The following CSRNP3 variants were observed in gnomAD, a reference collection of about 807,000 sequenced individuals.
CSRNP3 encodes the protein cysteine/serine-rich nuclear protein 3.
CSRNP3 carries 12 observed loss-of-function variants against 48.0 expected under a neutral mutation model. The observed-to-expected ratio is 0.25, with a 90% CI of 0.16 to 0.41. The LOEUF (loss-of-function observed/expected upper bound fraction) is 0.41. Among genes scored for constraint, CSRNP3 ranks in the 10% least tolerant of loss-of-function variants. The pLI is 1.00. For synonymous variants in CSRNP3, 263 were observed against 269.7 expected (o/e 0.98, Z 0.24); for missense variants, 580 against 724.4 (o/e 0.80, Z 2.29).
intron 5 of CSRNP3, among the ~76,000 whole-genome samples, chr2:165,662,127 G>GATGTTATTTTGA (rs1687107493): frequency 7.7e-6 from 1 of 130,314 alleles, no homozygotes; most frequent in Non-Finnish European, 1.7e-5. Flanking sequence ...TGTTATTTTG[G>GATGTTATTTTGA]AAACAAAATA....
At chr2:165,617,546 C>A (rs946816204) in intron 4 of CSRNP3, among the ~76,000 whole-genome samples, 4 of 152,172 alleles carry the variant, frequency 2.6e-5, no homozygotes, top group Admixed American at 2.0e-4. Context: ...CTAGGTGGCA[C>A]ATGTGTGGAC....
intron 3 of CSRNP3, among the ~76,000 whole-genome samples, chr2:165,534,078 G>C (rs1447401293): frequency 6.6e-6 from 1 of 152,014 alleles, no homozygotes; most frequent in Non-Finnish European, 1.5e-5. Context: ...GATGTATCCA[G>C]TGAAATTTAT....
chr2:165,551,232 T>TGTC (rs1685092047), intron 3 of CSRNP3, among the ~76,000 whole-genome samples: 1 of 152,212 alleles, frequency 6.6e-6, no homozygotes, highest in Admixed American at 6.5e-5. Context: ...GCTGACATAC[T>TGTC]GTCACGTGTT....
In CSRNP3 at chr2:165,593,981, C is replaced by T. The variant is rs951357661; in HGVS notation, c.-23-1062C>T. Among the ~76,000 whole-genome samples, 3 of 152,114 alleles carry T rather than the reference C, an allele frequency of 2.0e-5. No individual in the cohort carries two copies. In the South Asian group the frequency reaches 6.2e-4, roughly 32 times the overall value. ...CAGAGTCAAAACTTTGTTTTGTTCA[C>T]AAAATTATCAAAGATACTCTAGGAA... is the stretch of plus-strand genomic sequence containing the variant. On this transcript the variant is annotated intron_variant, in intron 3 of 6. Transcript: ENST00000651982.
At chr2:165,676,713 A>T in intron 6 of CSRNP3, 105 bp downstream of exon 6, 1 of 1,022,162 alleles carries the variant, frequency 9.8e-7, no homozygotes, top group South Asian at 1.6e-5. Flanking sequence ...GTAAAAGAAA[A>T]TTTTTTGGCA....
intron 3 of CSRNP3, among the ~76,000 whole-genome samples, chr2:165,587,009 G>T (rs944215181): frequency 6.6e-6 from 1 of 152,090 alleles, no homozygotes; most frequent in African/African-American, 2.4e-5. Flanking sequence ...TGAAACAATT[G>T]TACTTATAAT....
In CSRNP3 at chr2:165,685,518, T is replaced by C. The variant is rs1445640372; in HGVS notation, c.*5765T>C. On this transcript the variant is annotated 3_prime_UTR_variant, in exon 7 of 7. Transcript: ENST00000651982. ...AAGCCTAAAACAATATGTTTCAGTT[T>C]ACTTTTATATGTAGATTTTTTAAAT... 1 of 152,102 alleles carries C rather than the reference T, an allele frequency of 6.6e-6. No individual in the cohort carries two copies. Among genetic ancestry groups the C allele is most frequent in the Admixed American group, 6.6e-5 (1 of 15,224 alleles). 9.4% of individuals were successfully genotyped at this position (152,102 alleles called of 1,614,324 possible).
chr2:165,522,023 G>A (rs1684669914), intron 3 of CSRNP3, among the ~76,000 whole-genome samples: 1 of 152,106 alleles, frequency 6.6e-6, no homozygotes, highest in Non-Finnish European at 1.5e-5. Context: ...AGGCATGGTG[G>A]CTCGTGCCTG....
At chr2:165,511,454 T>A (rs1216393921) in intron 2 of CSRNP3, among the ~76,000 whole-genome samples, 3 of 152,038 alleles carry the variant, frequency 2.0e-5, no homozygotes, top group African/African-American at 7.2e-5. Flanking sequence ...CGTGAAAACC[T>A]AAGTTGGTGA....
chr2:165,671,788 T>G (rs1158201244), intron 5 of CSRNP3, among the ~76,000 whole-genome samples: 2 of 152,194 alleles, frequency 1.3e-5, no homozygotes, highest in African/African-American at 4.8e-5. Flanking sequence ...TGTCAGGCTG[T>G]GCATTTTTCA....
chr2:165,673,096 T>C (rs928837094), intron 5 of CSRNP3, among the ~76,000 whole-genome samples: 5 of 151,222 alleles, frequency 3.3e-5, no homozygotes, highest in African/African-American at 1.2e-4. Flanking sequence ...AGAAAACTTA[T>C]AGTTTATTGA....
chr2:165,658,103 C>T (rs373080590), intron 5 of CSRNP3, 83 bp downstream of exon 5: 368 of 1,439,150 alleles, frequency 2.6e-4, no homozygotes, highest in Non-Finnish European at 3.2e-4. Context: ...TTTATAATCA[C>T]GAAACAAACT....
At chr2:165,503,187 A>G (rs531238874) in intron 2 of CSRNP3, among the ~76,000 whole-genome samples, 2 of 152,082 alleles carry the variant, frequency 1.3e-5, no homozygotes, top group South Asian at 4.1e-4. Context: ...AATTGTACAC[A>G]AATAATTGCT....
intron 3 of CSRNP3, among the ~76,000 whole-genome samples, chr2:165,547,513 T>G (rs972978424): frequency 6.6e-6 from 1 of 152,234 alleles, no homozygotes. Context: ...TCAATTCACG[T>G]TTCCTTGATT....
intron 4 of CSRNP3, among the ~76,000 whole-genome samples, chr2:165,644,267 G>A (rs1686775837): frequency 6.6e-6 from 1 of 152,134 alleles, no homozygotes; most frequent in Non-Finnish European, 1.5e-5. Flanking sequence ...TGAAAGTCAT[G>A]TATCCTTGCT....
chr2:165,626,077 G>T (rs1198361486), intron 4 of CSRNP3, among the ~76,000 whole-genome samples: 3 of 151,662 alleles, frequency 2.0e-5, no homozygotes, highest in African/African-American at 7.3e-5. Context: ...ACAAAAATTA[G>T]CCCAGCATGG....
intron 1 of CSRNP3, among the ~76,000 whole-genome samples, chr2:165,485,647 G>A (rs1684102260): frequency 6.6e-6 from 1 of 152,074 alleles, no homozygotes; most frequent in South Asian, 2.1e-4. Flanking sequence ...CAAAAATTTT[G>A]AATAAATAAC....
At chr2:165,512,930 C>A (rs1436875815) in intron 2 of CSRNP3, among the ~76,000 whole-genome samples, 4 of 152,136 alleles carry the variant, frequency 2.6e-5, no homozygotes, top group African/African-American at 9.7e-5. Flanking sequence ...CGGTGAAACC[C>A]CATGTCTACT....
intron 1 of CSRNP3, among the ~76,000 whole-genome samples, chr2:165,471,907 G>A (rs1404433472): frequency 6.6e-6 from 1 of 151,984 alleles, no homozygotes; most frequent in Non-Finnish European, 1.5e-5. Flanking sequence ...TACTGTCCAA[G>A]TGAAGGATGA....
Sources: allele counts gnomAD v4.1 joint callset (sites outside exome capture counted in the v4.1 genomes callset), GRCh38; gene constraint gnomAD v4.1.1; transcripts MANE v1.5; gene names NCBI Gene and HGNC (gene_info 2026-07-23, HGNC 2026-07-21).